Variants in VWC2L observed in about 807,000 individuals in gnomAD.
VWC2L encodes von Willebrand factor C domain containing 2 like, also known as von Willebrand factor C domain-containing protein 2-like.
Under a neutral mutation model 21.6 loss-of-function variants are expected in VWC2L, and 10 were observed. The observed-to-expected ratio is 0.46, with a 90% CI of 0.29 to 0.78. The LOEUF (loss-of-function observed/expected upper bound fraction) is 0.78, where lower values mean the gene tolerates loss of function less well. VWC2L is among the 30% of genes least tolerant of loss of function. The probability of loss-of-function intolerance (pLI) is 0.10; values close to 1 mark genes in which losing one functional copy is unlikely to be tolerated. For missense variants in VWC2L, 209 were observed against 277.1 expected (o/e 0.75, Z 1.74); for synonymous variants, 96 against 94.3 (o/e 1.02, Z -0.10).
intron 3 of VWC2L, among the ~76,000 whole-genome samples, chr2:214,443,403 C>A (rs1702791421): frequency 6.6e-6 from 1 of 151,828 alleles, no homozygotes; most frequent in East Asian, 1.9e-4. Context: ...AAAAAAAAAC[C>A]TGGATTTTCA....
intron 3 of VWC2L, among the ~76,000 whole-genome samples, chr2:214,535,004 A>G (rs1241355609): frequency 6.6e-6 from 1 of 152,108 alleles, no homozygotes; most frequent in African/African-American, 2.4e-5. Context: ...CACAGCTATG[A>G]AAATACTGCA....
intron 3 of VWC2L, among the ~76,000 whole-genome samples, chr2:214,546,647 A>G (rs1689711183): frequency 6.6e-6 from 1 of 152,188 alleles, no homozygotes. Flanking sequence ...AAACCTTGTC[A>G]TATGATTTCT....
chr2:214,573,010 A>C (rs114240929), intron 3 of VWC2L, among the ~76,000 whole-genome samples: 1 of 152,320 alleles, frequency 6.6e-6, no homozygotes, highest in Non-Finnish European at 1.5e-5. Flanking sequence ...GACTCTTAAG[A>C]AATGGTGTAT....
Position 214,414,118 on chromosome 2 carries a change from C to A in VWC2L, c.-76C>A. The stretch of plus-strand genomic sequence containing the variant: ...TTTTTAAATATTTATTTTCAGCCTA[C>A]CCCTCTTGTATTCCCATGGAAGGAG... On this transcript the variant is annotated 5_prime_UTR_variant, in exon 2 of 4. Coordinates refer to ENST00000312504, the MANE Select transcript of VWC2L (RefSeq NM_001080500.4). The A allele has an allele frequency of 1.4e-6, 2 of 1,444,316 alleles. No individual in the cohort carries two copies. The highest frequency in any genetic ancestry group is 1.9e-6 in the Non-Finnish European group (2 of 1,067,542). The allele number at this position is 1,444,316 out of a possible 1,614,324, so 89.5% of individuals were successfully genotyped here. A position where few individuals can be genotyped will look rare whatever the true frequency, so the allele number is the denominator to read the frequency against.
At position 214,436,629 on chromosome 2, in the gene VWC2L, C is replaced by T; in HGVS notation, c.391C>T (p.Pro131Ser). Reference sequence around the variant, plus strand: ...GGGCTAATTTTAGATTTGTTCCTAGCCCTCTCCATGTGAATGGTGTCGCTG... The same window carrying T: ...GGGCTAATTTTAGATTTGTTCCTAGTCCTCTCCATGTGAATGGTGTCGCTG... ...KNYKILEEFK[P>S]SPCEWCRCEP... The change falls in exon 3 of 4, where the codon CCC (proline) becomes TCC (serine). Residue 131 changes from proline to serine, a missense_variant and splice_region_variant. Physicochemically the swap from Pro to Ser is moderately conservative, Grantham distance 74. Coordinates refer to ENST00000312504, the MANE Select transcript of VWC2L (RefSeq NM_001080500.4). 6.2e-7 allele frequency: 1 copy of T among 1,612,950 alleles called. No individual in the cohort carries two copies. Among genetic ancestry groups the T allele is most frequent in the Non-Finnish European group, 8.5e-7 (1 of 1,179,212 alleles).
At chr2:214,520,641 G>A (rs936605777) in intron 3 of VWC2L, among the ~76,000 whole-genome samples, 9 of 152,084 alleles carry the variant, frequency 5.9e-5, no homozygotes, top group Non-Finnish European at 2.9e-5. Context: ...GATGCACAAC[G>A]GTGCCCACAA....
At chr2:214,467,346 G>T (rs1175031168) in intron 3 of VWC2L, among the ~76,000 whole-genome samples, 1 of 152,158 alleles carries the variant, frequency 6.6e-6, no homozygotes, top group Non-Finnish European at 1.5e-5. Context: ...TGAGTTTTCT[G>T]AGAAGCTCAA....
At chr2:214,439,628 T>A (rs1702734264) in intron 3 of VWC2L, among the ~76,000 whole-genome samples, 1 of 151,950 alleles carries the variant, frequency 6.6e-6, no homozygotes, top group African/African-American at 2.4e-5. Flanking sequence ...ATATTAAAAT[T>A]GATTTTTCTG....
chr2:214,570,722 AC>A (rs1394533958), intron 3 of VWC2L, among the ~76,000 whole-genome samples: 1 of 151,956 alleles, frequency 6.6e-6, no homozygotes, highest in East Asian at 1.9e-4. Flanking sequence ...GAATTTTCCT[AC>A]CTTTTCCTCT....
chr2:214,512,451 G>A (rs1204871442), intron 3 of VWC2L, among the ~76,000 whole-genome samples: 7 of 151,932 alleles, frequency 4.6e-5, no homozygotes, highest in Non-Finnish European at 1.0e-4. Context: ...ATAATTAATA[G>A]ATATTAGACT....
intron 3 of VWC2L, among the ~76,000 whole-genome samples, chr2:214,555,427 G>C (rs1340185083): frequency 6.6e-6 from 1 of 152,170 alleles, no homozygotes; most frequent in Non-Finnish European, 1.5e-5. Flanking sequence ...AAATATTTTA[G>C]AGTTTGATTC....
chr2:214,421,885 C>CTTTTGTTTTTTTTTT (rs1702446908), intron 2 of VWC2L, among the ~76,000 whole-genome samples: 1 of 76,144 alleles, frequency 1.3e-5, no homozygotes, highest in African/African-American at 6.4e-5. Flanking sequence ...TTTCCTACAT[C>CTTTTGTTTTTTTTTT]TTTTTTTTTT....
At chr2:214,557,260 G>T (rs907024908) in intron 3 of VWC2L, among the ~76,000 whole-genome samples, 1 of 152,074 alleles carries the variant, frequency 6.6e-6, no homozygotes, top group African/African-American at 2.4e-5. Context: ...AGGGTGGCAG[G>T]GGAGAGAATG....
chr2:214,539,427 G>A (rs1689592395), intron 3 of VWC2L, among the ~76,000 whole-genome samples: 1 of 152,112 alleles, frequency 6.6e-6, no homozygotes, highest in Non-Finnish European at 1.5e-5. Flanking sequence ...AGTTATCACT[G>A]CTAGCTAAAA....
At chr2:214,575,055 AAG>A (rs1314844537) in intron 3 of VWC2L, among the ~76,000 whole-genome samples, 5 of 148,210 alleles carry the variant, frequency 3.4e-5, no homozygotes, top group South Asian at 4.2e-4. Flanking sequence ...AAAAAAAAAA[AAG>A]AGCCAGCAGA....
intron 3 of VWC2L, among the ~76,000 whole-genome samples, chr2:214,486,176 A>T (rs1688669832): frequency 6.6e-6 from 1 of 152,210 alleles, no homozygotes. Context: ...CAACATCCTG[A>T]TAAGGAATGT....
At chr2:214,429,880 A>G (rs1475815148) in intron 2 of VWC2L, among the ~76,000 whole-genome samples, 2 of 151,926 alleles carry the variant, frequency 1.3e-5, no homozygotes, top group East Asian at 1.9e-4. Flanking sequence ...CTGGAGTGCA[A>G]TGGCGCAATC....
rs377122837 is a variant in VWC2L at position 214,564,174 on chromosome 2, C to G, written c.521-11498C>G. On this transcript the variant is annotated intron_variant, in intron 3 of 3. Coordinates refer to ENST00000312504, the MANE Select transcript of VWC2L (RefSeq NM_001080500.4). ...CTCCTCAGAGAAATCAGAGAGGACACAAACAAATGAGAAAACATTCCATGC... is the reference window on the plus strand; with the variant it reads ...CTCCTCAGAGAAATCAGAGAGGACAGAAACAAATGAGAAAACATTCCATGC... 5.3e-5 allele frequency among the ~76,000 whole-genome samples: 8 copies of G among 152,250 alleles called. No individual in the cohort carries two copies. The East Asian group carries it at 5.8e-4, about 11-fold the overall frequency.
At chr2:214,445,651 T>C (rs550280809) in intron 3 of VWC2L, among the ~76,000 whole-genome samples, 30 of 151,934 alleles carry the variant, frequency 2.0e-4, no homozygotes, top group African/African-American at 7.2e-4. Flanking sequence ...CTATATGATA[T>C]GATAACTTTA....
Sources: allele counts gnomAD v4.1 joint callset (sites outside exome capture counted in the v4.1 genomes callset), GRCh38; gene constraint gnomAD v4.1.1; transcripts MANE v1.5; gene names NCBI Gene and HGNC (gene_info 2026-07-23, HGNC 2026-07-21).